Variants in SNX29 observed in about 807,000 individuals in gnomAD.
The protein encoded by SNX29 is sorting nexin-29.
Under a neutral mutation model 102.1 loss-of-function variants are expected in SNX29, and 78 were observed. The ratio of observed to expected loss-of-function variants is 0.76; its 90% CI spans 0.64 to 0.92. The LOEUF (loss-of-function observed/expected upper bound fraction) is 0.92. Ranked by LOEUF, SNX29 falls within the 40% of genes least tolerant of loss-of-function variation. The pLI, the probability that SNX29 is intolerant of heterozygous loss-of-function variation, is 0.00. For missense variants in SNX29, 1,280 were observed against 1,061.7 expected, an observed-to-expected ratio of 1.21 and a Z score of -2.86; for synonymous variants, 580 against 414.5, an observed-to-expected ratio of 1.40 and a Z score of -4.85.
chr16:12,234,839 G>A (rs79178503), intron 14 of SNX29, among the ~76,000 whole-genome samples: 6,122 of 152,246 alleles, frequency 0.04, 436 homozygotes, highest in African/African-American at 0.14. Context: ...GCACTCAGAA[G>A]ATACCCGCTG....
At chr16:12,401,033 A>G (rs2083919890) in intron 17 of SNX29, among the ~76,000 whole-genome samples, 1 of 152,114 alleles carries the variant, frequency 6.6e-6, no homozygotes, top group Non-Finnish European at 1.5e-5. Flanking sequence ...GGGTTTCACC[A>G]TGTTAGCCAG....
chr16:12,200,288 T>G (rs1233006413), intron 14 of SNX29, among the ~76,000 whole-genome samples: 3 of 152,174 alleles, frequency 2.0e-5, no homozygotes, highest in African/African-American at 7.2e-5. Flanking sequence ...ATGAAGATCT[T>G]GCCAAATGAG....
intron 13 of SNX29, among the ~76,000 whole-genome samples, chr16:12,139,534 C>T (rs1219496234): frequency 6.6e-6 from 1 of 152,212 alleles, no homozygotes; most frequent in South Asian, 2.1e-4. Context: ...TCTTCCAGCA[C>T]CTTAATTGTT....
In SNX29 at chr16:12,404,234, T is replaced by TG. The variant is rs1047180976; in HGVS notation, c.2037+709dup. Among the ~76,000 whole-genome samples, 7 of 152,296 alleles carry TG rather than the reference T, an allele frequency of 4.6e-5. No individual in the cohort carries two copies. The East Asian group carries it at 7.7e-4, about 17-fold the overall frequency. The stretch of plus-strand genomic sequence containing the variant: ...CCTGTAGACATCGCCTCTGCTTCCT[T>TG]GGGGTACGGATAGCCGCACCCAGGT... On this transcript the variant is annotated intron_variant, in intron 18 of 20. Coordinates refer to ENST00000566228, the MANE Select transcript of SNX29 (RefSeq NM_032167.5).
intron 20 of SNX29, among the ~76,000 whole-genome samples, chr16:12,544,733 G>A: frequency 6.6e-6 from 1 of 152,164 alleles, no homozygotes; most frequent in East Asian, 1.9e-4. Context: ...GGAAACCTCG[G>A]CCCAGAGAGG....
intron 18 of SNX29, among the ~76,000 whole-genome samples, chr16:12,462,156 C>T (rs577288015): frequency 1.3e-5 from 2 of 151,308 alleles, no homozygotes; most frequent in Non-Finnish European, 2.9e-5. Context: ...CGATCTCTTG[C>T]CATAGGTCTA....
At chr16:12,054,780 C>T (rs189846763) in intron 8 of SNX29, among the ~76,000 whole-genome samples, 4 of 152,274 alleles carry the variant, frequency 2.6e-5, no homozygotes, top group Admixed American at 1.3e-4. Flanking sequence ...AGGCACACAC[C>T]CCTTGGTTCC....
intron 15 of SNX29, among the ~76,000 whole-genome samples, chr16:12,315,664 C>T (rs960997239): frequency 1.3e-5 from 2 of 152,208 alleles, no homozygotes; most frequent in African/African-American, 4.8e-5. Flanking sequence ...ACCCTGCTGG[C>T]ACCTTGATCT....
chr16:12,276,542 T>C (rs913349435), intron 14 of SNX29, among the ~76,000 whole-genome samples: 8 of 152,176 alleles, frequency 5.3e-5, no homozygotes, highest in Non-Finnish European at 8.8e-5. Flanking sequence ...TAGTCTCAGA[T>C]CCTTGTTTAG....
At chr16:12,235,677 TA>T (rs1365648400) in intron 14 of SNX29, among the ~76,000 whole-genome samples, 2 of 151,818 alleles carry the variant, frequency 1.3e-5, no homozygotes, top group East Asian at 3.9e-4. Flanking sequence ...AACCTCTGGG[TA>T]AAAAAAAGAC....
chr16:12,536,407 G>T (rs891576990), intron 20 of SNX29, among the ~76,000 whole-genome samples: 14 of 151,920 alleles, frequency 9.2e-5, no homozygotes, highest in African/African-American at 3.4e-4. Context: ...CAAGCAGAAT[G>T]GCCTCATCAG....
At chr16:12,219,392 A>G (rs1432326980) in intron 14 of SNX29, among the ~76,000 whole-genome samples, 1 of 152,186 alleles carries the variant, frequency 6.6e-6, no homozygotes, top group African/African-American at 2.4e-5. Flanking sequence ...CCTTCTGGGA[A>G]CAATACTTAA....
At chr16:12,227,804 A>G (rs113100591) in intron 14 of SNX29, among the ~76,000 whole-genome samples, 6,335 of 150,624 alleles carry the variant, frequency 0.042, 463 homozygotes, top group African/African-American at 0.15. Flanking sequence ...GGAGGCTGAG[A>G]CAGGAGAATT....
chr16:12,230,484 TG>T (rs2077735818), intron 14 of SNX29, among the ~76,000 whole-genome samples: 1 of 152,230 alleles, frequency 6.6e-6, no homozygotes, highest in African/African-American at 2.4e-5. Context: ...AGCTTGTTTG[TG>T]GAAACTGGAC....
chr16:12,390,971 G>C (rs1469031749), intron 16 of SNX29, among the ~76,000 whole-genome samples: 1 of 152,130 alleles, frequency 6.6e-6, no homozygotes, highest in Non-Finnish European at 1.5e-5. Flanking sequence ...TTCGAGATGG[G>C]GTCTCACTCT....
chr16:12,220,576 C>T (rs1469414518), intron 14 of SNX29, among the ~76,000 whole-genome samples: 7 of 152,178 alleles, frequency 4.6e-5, no homozygotes, highest in Non-Finnish European at 7.3e-5. Flanking sequence ...CTTCCCTGCT[C>T]GTGCTGATCT....
At chr16:12,269,161 C>T (rs2079019140) in intron 14 of SNX29, among the ~76,000 whole-genome samples, 1 of 152,156 alleles carries the variant, frequency 6.6e-6, no homozygotes, top group Non-Finnish European at 1.5e-5. Context: ...ATTATTTTCC[C>T]ATTTGGAGTG....
In SNX29 at chr16:12,571,697, C is replaced by T; in HGVS notation, c.*3068C>T. The T allele has an allele frequency of 9.4e-7, 1 of 1,059,954 alleles. No homozygotes were observed. The highest frequency in any genetic ancestry group is 1.1e-6 in the Non-Finnish European group (1 of 875,904). 65.7% of individuals were successfully genotyped at this position (1,059,954 alleles called of 1,614,324 possible). A position where few individuals can be genotyped will look rare whatever the true frequency, so the allele number is the denominator to read the frequency against. ...AGAGGTGTCTCTCCTTGAGAGACAA[C>T]AAAAGCTTCTAAGGGAGGGAGCTTA... On this transcript the variant is annotated 3_prime_UTR_variant, in exon 21 of 21. Transcript: ENST00000566228.
intron 18 of SNX29, among the ~76,000 whole-genome samples, chr16:12,442,313 A>C (rs375440404): frequency 6.6e-6 from 1 of 152,038 alleles, no homozygotes; most frequent in Non-Finnish European, 1.5e-5. Flanking sequence ...CTCAGTCTTG[A>C]TTACTCTGGC....
Sources: allele counts gnomAD v4.1 joint callset (sites outside exome capture counted in the v4.1 genomes callset), GRCh38; gene constraint gnomAD v4.1.1; transcripts MANE v1.5; gene names NCBI Gene and HGNC (gene_info 2026-07-23, HGNC 2026-07-21).